Variants in GADL1 observed in about 807,000 individuals in gnomAD.
GADL1 encodes acidic amino acid decarboxylase GADL1.
In GADL1, 71 loss-of-function variants were observed where a neutral mutation model predicts 69.5. That is an observed-to-expected ratio of 1.02 (90% CI 0.84 to 1.25). The LOEUF (loss-of-function observed/expected upper bound fraction) is 1.25, where lower values mean the gene tolerates loss of function less well. GADL1 is among the 50% of genes most tolerant of loss of function. GADL1 has a pLI of 0.00. For missense variants in GADL1, 737 were observed against 631.8 expected, an observed-to-expected ratio of 1.17 and a Z score of -1.79; for synonymous variants, 254 against 214.4, an observed-to-expected ratio of 1.18 and a Z score of -1.62.
chr3:30,732,829 G>A (rs879845331), intron 14 of GADL1, among the ~76,000 whole-genome samples: 7 of 152,270 alleles, frequency 4.6e-5, no homozygotes, highest in South Asian at 4.1e-4. Flanking sequence ...ACGCCAAGGC[G>A]GGCAGATCAC....
intron 1 of GADL1, among the ~76,000 whole-genome samples, chr3:30,886,733 C>T (rs969147136): frequency 6.6e-6 from 1 of 152,164 alleles, no homozygotes; most frequent in Non-Finnish European, 1.5e-5. Context: ...TTGCAGCATC[C>T]AGCCTGAATG....
At chr3:30,751,423 C>T (rs1019158706) in intron 14 of GADL1, among the ~76,000 whole-genome samples, 2 of 151,048 alleles carry the variant, frequency 1.3e-5, no homozygotes, top group Non-Finnish European at 2.9e-5. Context: ...TCTTCTGTTG[C>T]TTTGTCTTTC....
chr3:30,767,292 T>C lies in GADL1; in HGVS notation c.1392+10887A>G, dbSNP rs576762578. On this transcript the variant is annotated intron_variant, in intron 14 of 14. Coordinates refer to ENST00000282538, the MANE Select transcript of GADL1 (RefSeq NM_207359.3). ...TTTTAACTTAAAGAGTTCTAAAACA[T>C]ATAAAAATGAAAAATATTAAAGAAT... Among the ~76,000 whole-genome samples the C allele has an allele frequency of 3.7e-4, 55 of 150,630 alleles. 1 individual carries two copies. Among genetic ancestry groups the C allele is most frequent in the African/African-American group, 1.3e-3 (53 of 40,038 alleles).
At chr3:30,771,356 C>G (rs796647609) in intron 14 of GADL1, among the ~76,000 whole-genome samples, 52 of 152,274 alleles carry the variant, frequency 3.4e-4, no homozygotes, top group African/African-American at 1.3e-3. Context: ...CTCTACCTGA[C>G]AGAATACTTA....
At chr3:30,834,374 A>T (rs1424685241) in intron 9 of GADL1, 93 bp from the exon 10 acceptor site, 1 of 944,678 alleles carries the variant, frequency 1.1e-6, no homozygotes, top group Non-Finnish European at 1.7e-6. Context: ...GAGGACCTCA[A>T]TCTGCATTAT....
chr3:30,881,899 C>A (rs866780903), intron 1 of GADL1, among the ~76,000 whole-genome samples: 5 of 151,860 alleles, frequency 3.3e-5, no homozygotes, highest in Admixed American at 6.6e-5. Flanking sequence ...GTGTAGCCTC[C>A]TGTTGCTGTC....
At chr3:30,754,551 A>G (rs1355955476) in intron 14 of GADL1, among the ~76,000 whole-genome samples, 1 of 151,946 alleles carries the variant, frequency 6.6e-6, no homozygotes. Flanking sequence ...GACAGATGAC[A>G]AAGAGTGTAT....
At chr3:30,848,505 TCA>T (rs1278290212) in intron 6 of GADL1, among the ~76,000 whole-genome samples, 3 of 152,164 alleles carry the variant, frequency 2.0e-5, no homozygotes, top group African/African-American at 4.8e-5. Flanking sequence ...TAACAGACTC[TCA>T]GTTTTTTATT....
intron 11 of GADL1, among the ~76,000 whole-genome samples, chr3:30,820,431 GATAAA>G (rs1297302116): frequency 4.6e-5 from 7 of 151,988 alleles, no homozygotes; most frequent in Non-Finnish European, 8.8e-5. Flanking sequence ...AATTTATACT[GATAAA>G]ATCATATTCT....
chr3:30,830,728 G>A (rs949382904), intron 11 of GADL1, among the ~76,000 whole-genome samples: 1 of 151,946 alleles, frequency 6.6e-6, no homozygotes, highest in Non-Finnish European at 1.5e-5. Flanking sequence ...TACCAGTCCA[G>A]ACTTCTTTTC....
chr3:30,778,413 C>T (rs966902874), intron 13 of GADL1, 145 bp from the exon 14 acceptor site: 2 of 597,948 alleles, frequency 3.3e-6, no homozygotes, highest in Non-Finnish European at 6.0e-6. Flanking sequence ...GTAACAATCC[C>T]TTCTGCCTTC....
At chr3:30,823,766 A>C (rs1466120306) in intron 11 of GADL1, among the ~76,000 whole-genome samples, 1 of 151,942 alleles carries the variant, frequency 6.6e-6, no homozygotes, top group Non-Finnish European at 1.5e-5. Context: ...TATAAAAGCT[A>C]ATCTTAAAAA....
At chr3:30,803,409 C>T (rs914855463) in intron 11 of GADL1, among the ~76,000 whole-genome samples, 1 of 151,974 alleles carries the variant, frequency 6.6e-6, no homozygotes, top group African/African-American at 2.4e-5. Context: ...CAGGCACACA[C>T]ACTTGCATTA....
intron 14 of GADL1, among the ~76,000 whole-genome samples, chr3:30,733,700 T>G (rs1442409170): frequency 6.6e-6 from 1 of 151,890 alleles, no homozygotes; most frequent in Admixed American, 6.6e-5. Context: ...TTTCTCTTCT[T>G]TCTTTCTTTT....
Position 30,820,159 on chromosome 3 carries a change from G to A in GADL1, c.1050+13694C>T, listed in dbSNP as rs542122581. Among the ~76,000 whole-genome samples, 12 of 151,898 alleles carry A rather than the reference G, an allele frequency of 7.9e-5. No individual in the cohort carries two copies. The South Asian group carries it at 2.5e-3, about 32-fold the overall frequency. On this transcript the variant is annotated intron_variant, in intron 11 of 14. Transcript: ENST00000282538. ...TACTGCAGTAAAATGAGGTTAATCA[G>A]TAATACAGAAAATCTGTTAACATAA...
At chr3:30,760,223 T>G (rs763531162) in intron 14 of GADL1, among the ~76,000 whole-genome samples, 1 of 152,180 alleles carries the variant, frequency 6.6e-6, no homozygotes. Context: ...ACAATCATCT[T>G]CCTCGAGGTT....
chr3:30,864,876 C>A (rs1161698725), intron 1 of GADL1, among the ~76,000 whole-genome samples: 1 of 151,906 alleles, frequency 6.6e-6, no homozygotes, highest in Non-Finnish European at 1.5e-5. Context: ...AGCCTCCCAA[C>A]TAACCACCTT....
intron 11 of GADL1, among the ~76,000 whole-genome samples, chr3:30,826,928 G>C (rs1485062055): frequency 3.3e-5 from 5 of 151,830 alleles, no homozygotes; most frequent in African/African-American, 1.2e-4. Context: ...TTTTTAAAGT[G>C]CCAACGTGGG....
Position 30,797,664 on chromosome 3 carries a change from G to GTTT in GADL1, c.1250+3222_1250+3224dup, listed in dbSNP as rs1242496468. Reference sequence around the variant, plus strand: ...TGTTTTTTGCGTTTTGTTTTGTTTTGTTTTTGTTTTTTTTTTGTTTTTTAA... The same window carrying GTTT: ...TGTTTTTTGCGTTTTGTTTTGTTTTGTTTTTTTTGTTTTTTTTTTGTTTTTTAA... On this transcript the variant is annotated intron_variant, in intron 12 of 14. Coordinates refer to ENST00000282538, the MANE Select transcript of GADL1 (RefSeq NM_207359.3). 7.1e-5 allele frequency: 8 copies of GTTT among 112,430 alleles called. No individual in the cohort carries two copies. In the South Asian group the frequency reaches 2.6e-3, roughly 37 times the overall value. The allele number at this position is 112,430 out of a possible 1,614,324, so 7.0% of individuals were successfully genotyped here.
Sources: allele counts gnomAD v4.1 joint callset (sites outside exome capture counted in the v4.1 genomes callset), GRCh38; gene constraint gnomAD v4.1.1; transcripts MANE v1.5; gene names NCBI Gene and HGNC (gene_info 2026-07-23, HGNC 2026-07-21).